Variants in EPYC observed in about 807,000 individuals in gnomAD.
EPYC encodes the protein epiphycan.
EPYC carries 28 observed loss-of-function variants against 30.1 expected under a neutral mutation model. The ratio of observed to expected loss-of-function variants is 0.93; its 90% CI spans 0.69 to 1.28. EPYC has a LOEUF of 1.28. Among genes scored for constraint, EPYC ranks in the 50% most tolerant of loss-of-function variants. The pLI is 0.00. For missense variants in EPYC, 382 were observed against 383.5 expected (o/e 1.00, Z 0.03); for synonymous variants, 144 against 141.4 (o/e 1.02, Z -0.13).
intron 2 of EPYC, among the ~76,000 whole-genome samples, chr12:90,998,150 A>C (rs1877738622): frequency 6.6e-6 from 1 of 152,098 alleles, no homozygotes; most frequent in African/African-American, 2.4e-5. Context: ...GAGATAATAT[A>C]TGTAATATGA....
chr12:90,984,769 GAAGGAAAC>G (rs377275091), intron 2 of EPYC, among the ~76,000 whole-genome samples: 11 of 151,924 alleles, frequency 7.2e-5, no homozygotes, highest in African/African-American at 2.4e-4. Flanking sequence ...CCTCCACCCA[GAAGGAAAC>G]AAGCAAAGAA....
chr12:90,967,953 G>C (rs1297277130), intron 6 of EPYC, among the ~76,000 whole-genome samples: 2 of 152,068 alleles, frequency 1.3e-5, no homozygotes, highest in African/African-American at 4.8e-5. Flanking sequence ...CTGGGTGACA[G>C]AGCAAGACCC....
chr12:90,981,193 T>G (rs575173782), intron 2 of EPYC, among the ~76,000 whole-genome samples: 2 of 152,196 alleles, frequency 1.3e-5, no homozygotes, highest in Admixed American at 1.3e-4. Context: ...TATGAAGAGA[T>G]AACTACCAAG....
intron 5 of EPYC, among the ~76,000 whole-genome samples, chr12:90,971,464 G>T (rs1877041329): frequency 6.6e-6 from 1 of 152,008 alleles, no homozygotes; most frequent in Non-Finnish European, 1.5e-5. Context: ...GAGCCCAGGA[G>T]TTCGACACCA....
At chr12:90,972,029 T>C (rs1432823450) in intron 4 of EPYC, 27 bp from the exon 5 acceptor site, 4 of 1,315,596 alleles carry the variant, frequency 3.0e-6, no homozygotes, top group Non-Finnish European at 4.2e-6. Flanking sequence ...AAGGAAGTAA[T>C]TAAATATTCT....
chr12:90,995,272 A>C (rs1425710516), intron 2 of EPYC, among the ~76,000 whole-genome samples: 1 of 152,098 alleles, frequency 6.6e-6, no homozygotes, highest in Non-Finnish European at 1.5e-5. Flanking sequence ...TTCAGTTCAG[A>C]AGGATCATAT....
rs141571083 is a variant in EPYC, at chr12:91,002,426, T to G, written c.140A>C (p.Glu47Ala). 551 of 1,612,894 alleles carry G rather than the reference T, an allele frequency of 3.4e-4. 3 individuals carry two copies. In the African/African-American group the frequency reaches 6.4e-3, roughly 19 times the overall value. The part of the protein sequence containing the change: ...LEDLDNLYNY[E>A]NIPVDKVEIE... ...CTCAACTTTATCAACAGGTATGTTT[T>G]CATAGTTGTACAAATTATCCAGGTC... The change falls in exon 2 of 7, where the codon GAA (glutamate) becomes GCA (alanine). Residue 47 changes from glutamate to alanine, a missense_variant. By Grantham distance (107) the Glu-to-Ala change is moderately radical. Transcript: ENST00000261172.
intron 6 of EPYC, among the ~76,000 whole-genome samples, chr12:90,969,070 A>C (rs972679279): frequency 6.6e-6 from 1 of 151,296 alleles, no homozygotes; most frequent in African/African-American, 2.4e-5. Context: ...ATATGTAGAC[A>C]CCAAAAATAT....
chr12:91,001,929 C>T (rs2120876933), intron 2 of EPYC, among the ~76,000 whole-genome samples: 1 of 151,996 alleles, frequency 6.6e-6, no homozygotes, highest in East Asian at 1.9e-4. Context: ...TGGCTTACAC[C>T]TGTAATCCCA....
chr12:91,000,707 C>G (rs567960259), intron 2 of EPYC, among the ~76,000 whole-genome samples: 4 of 151,982 alleles, frequency 2.6e-5, no homozygotes, highest in African/African-American at 9.6e-5. Context: ...TCTCTCTGAT[C>G]CTCTGGAATA....
At chr12:90,966,552 G>A (rs966519481) in intron 6 of EPYC, among the ~76,000 whole-genome samples, 10 of 151,888 alleles carry the variant, frequency 6.6e-5, no homozygotes, top group African/African-American at 2.4e-4. Context: ...TTGTTGAGGC[G>A]ATTTGCATCA....
At chr12:90,981,117 A>G (rs989384462) in intron 2 of EPYC, among the ~76,000 whole-genome samples, 1 of 152,152 alleles carries the variant, frequency 6.6e-6, no homozygotes, top group African/African-American at 2.4e-5. Flanking sequence ...CAGTATATCT[A>G]TTCCAGAGAT....
intron 2 of EPYC, among the ~76,000 whole-genome samples, chr12:90,993,576 G>T (rs1247725619): frequency 6.6e-6 from 1 of 151,934 alleles, no homozygotes; most frequent in Non-Finnish European, 1.5e-5. Flanking sequence ...AATACAAAAT[G>T]GTTTCAATTT....
At chr12:90,978,321 G>A (rs1351254248) in intron 2 of EPYC, 59 bp from the exon 3 acceptor site, 7 of 1,501,632 alleles carry the variant, frequency 4.7e-6, no homozygotes, top group African/African-American at 2.9e-5. Flanking sequence ...ACTCTGTGTG[G>A]CAGTGACACA....
intron 2 of EPYC, among the ~76,000 whole-genome samples, chr12:91,000,703 T>C (rs771455837): frequency 3.3e-5 from 5 of 152,102 alleles, no homozygotes; most frequent in Admixed American, 6.6e-5. Context: ...CAAATCTCTC[T>C]GATCCTCTGG....
chr12:90,983,163 AG>A, intron 2 of EPYC, among the ~76,000 whole-genome samples: 1 of 152,280 alleles, frequency 6.6e-6, no homozygotes, highest in Middle Eastern at 3.4e-3. Context: ...TTTATCTTTT[AG>A]TAGCCATGTA....
At chr12:90,972,585 A>T in intron 4 of EPYC, 1 of 352,782 alleles carries the variant, frequency 2.8e-6, no homozygotes, top group Non-Finnish European at 5.1e-6. Context: ...ATGCATATTT[A>T]GTTTAAATTG....
chr12:90,972,120 G>A, intron 4 of EPYC, 118 bp from the exon 5 acceptor site: 1 of 575,048 alleles, frequency 1.7e-6, no homozygotes, highest in African/African-American at 1.9e-5. Context: ...TTAATGAGAT[G>A]ATTATCTTTC....
At chr12:90,995,650 G>A (rs908991102) in intron 2 of EPYC, among the ~76,000 whole-genome samples, 1 of 151,572 alleles carries the variant, frequency 6.6e-6, no homozygotes, top group East Asian at 1.9e-4. Context: ...TTATGTTTGT[G>A]GTCTCATAAA....
Sources: allele counts gnomAD v4.1 joint callset (sites outside exome capture counted in the v4.1 genomes callset), GRCh38; gene constraint gnomAD v4.1.1; transcripts MANE v1.5; gene names NCBI Gene and HGNC (gene_info 2026-07-23, HGNC 2026-07-21).